SYTL5: variants seen among roughly 807,000 people sequenced by gnomAD.
SYTL5 encodes the protein synaptotagmin like 5.
In SYTL5, 34 loss-of-function variants were observed where a neutral mutation model predicts 55.9. That is an observed-to-expected ratio of 0.61 (90% CI 0.46 to 0.81). The LOEUF is 0.81. Among genes scored for constraint, SYTL5 ranks in the 30% least tolerant of loss-of-function variants. The pLI is 0.00. For missense variants in SYTL5, 637 were observed against 546.7 expected, an observed-to-expected ratio of 1.17 and a Z score of -1.65; for synonymous variants, 221 against 188.7, an observed-to-expected ratio of 1.17 and a Z score of -1.40.
In SYTL5 at chrX:38,125,341, C is replaced by T; in HGVS notation, c.1885C>T (p.Leu629=). ...TAGCAAAGCCACCAAGCACAAAACT[C>T]TGGTAATAAAAAAGAGTGTTAACCC... ...DDSKATKHKT[L]VIKKSVNPQW... The change falls in exon 16 of 17, where the codon CTG becomes TTG. Residue 629 remains leucine, a synonymous_variant. Coordinates refer to ENST00000297875, the MANE Select transcript of SYTL5 (RefSeq NM_138780.3). 8.3e-7 allele frequency: 1 copy of T among 1,211,735 alleles called. No homozygotes were observed. Among genetic ancestry groups the T allele is most frequent in the Non-Finnish European group, 1.1e-6 (1 of 895,424 alleles).
intron 6 of SYTL5, 66 bp downstream of exon 6, chrX:38,076,767 G>A: frequency 9.2e-7 from 1 of 1,090,772 alleles, no homozygotes; most frequent in Middle Eastern, 2.5e-4. Context: ...CCCATTCATA[G>A]GGGGATTTTA....
chrX:37,995,786 T>G, the SYTL5 span, among the ~76,000 whole-genome samples: 1 of 112,345 alleles, frequency 8.9e-6, no homozygotes, highest in Non-Finnish European at 1.9e-5. Flanking sequence ...GATCTTGACA[T>G]GTTGATTAAA....
intron 6 of SYTL5, among the ~76,000 whole-genome samples, chrX:38,080,645 G>A (rs1320331198): frequency 9.0e-6 from 1 of 111,719 alleles, no homozygotes; most frequent in Non-Finnish European, 1.9e-5. Context: ...CTCTGTCCAG[G>A]AAATATGGCA....
At chrX:37,986,287 G>A in the SYTL5 span, among the ~76,000 whole-genome samples, 1 of 110,187 alleles carries the variant, frequency 9.1e-6, no homozygotes, top group Non-Finnish European at 1.9e-5. Context: ...TGAGCTCCCC[G>A]AGTGAGAAAT....
the SYTL5 span, among the ~76,000 whole-genome samples, chrX:37,915,164 G>C: frequency 1.9e-4 from 21 of 111,526 alleles, 1 homozygote; most frequent in South Asian, 7.9e-3. Flanking sequence ...GTGTGCGCGC[G>C]CATGCACGTG....
rs1368337122 is a variant in SYTL5 at position 38,096,223 on chromosome X, G to A, written c.1051G>A (p.Ala351Thr). 1.7e-6 allele frequency: 2 copies of A among 1,154,262 alleles called. No homozygotes were observed. The highest frequency in any genetic ancestry group is 2.4e-6 in the Non-Finnish European group (2 of 847,650). ...CATAAGAAGCAAGTCTGTCCCTGGG[G>A]CTTTAGACAAGGTAAGTTGGATGTG... ...VSIRSKSVPGALDKDSLEETE... is the reference protein window; with the variant it reads ...VSIRSKSVPGTLDKDSLEETE... The change falls in exon 9 of 17, where the codon GCT (alanine) becomes ACT (threonine). Residue 351 changes from alanine to threonine, a missense_variant. Transcript: ENST00000297875.
the SYTL5 span, among the ~76,000 whole-genome samples, chrX:37,959,434 G>T: frequency 9.0e-6 from 1 of 111,637 alleles, no homozygotes; most frequent in East Asian, 2.8e-4. Flanking sequence ...TAATTAACAT[G>T]GTTAAGAGAG....
At chrX:37,943,369 C>G in the SYTL5 span, among the ~76,000 whole-genome samples, 8 of 111,490 alleles carry the variant, frequency 7.2e-5, no homozygotes, top group African/African-American at 2.3e-4. Context: ...GGTAGAGGAA[C>G]CACTGCAATG....
At chrX:37,975,383 C>T in the SYTL5 span, among the ~76,000 whole-genome samples, 1 of 111,890 alleles carries the variant, frequency 8.9e-6, no homozygotes, top group Non-Finnish European at 1.9e-5. Flanking sequence ...TGTACTGGAG[C>T]AGCAGGGACT....
chrX:37,940,545 T>C, the SYTL5 span, among the ~76,000 whole-genome samples: 4 of 106,398 alleles, frequency 3.8e-5, no homozygotes, highest in South Asian at 1.3e-3. Context: ...CTCTCTCTTT[T>C]ACTAGGTATA....
chrX:37,961,530 T>C, the SYTL5 span, among the ~76,000 whole-genome samples: 1 of 111,901 alleles, frequency 8.9e-6, no homozygotes, highest in East Asian at 2.8e-4. Context: ...ATTTAGCGTA[T>C]AGCAAACATG....
chrX:38,126,685 G>A lies in SYTL5; in HGVS notation c.2148G>A (p.Glu716=), dbSNP rs1602423803. ...KMANNPGTPF[E]GVLMLRSSMG... is the part of the protein sequence containing the mutation. ...CCAACAACCCTGGAACTCCCTTTGA[G>A]GGTGTACTCATGCTTCGTTCCAGCA... Residue 716 remains glutamate (E), a synonymous_variant, in exon 17 of 17, where the codon GAG becomes GAA. Transcript: ENST00000297875. The A allele has an allele frequency of 8.3e-7, 1 of 1,210,435 alleles. No individual in the cohort carries two copies. Among genetic ancestry groups the A allele is most frequent in the Non-Finnish European group, 1.1e-6 (1 of 894,893 alleles).
the SYTL5 span, among the ~76,000 whole-genome samples, chrX:37,911,224 G>A: frequency 6.3e-5 from 7 of 110,353 alleles, no homozygotes; most frequent in Non-Finnish European, 1.1e-4. Flanking sequence ...TGCCTGCCTC[G>A]GCCTCCCAAA....
chrX:37,920,002 A>G, the SYTL5 span, among the ~76,000 whole-genome samples: 1 of 111,630 alleles, frequency 9.0e-6, no homozygotes, highest in South Asian at 3.8e-4. Context: ...TGGAATATAT[A>G]TATGCTTCTG....
chrX:38,120,472 G>A lies in SYTL5; in HGVS notation c.1705+6G>A. On this transcript the variant is annotated splice_donor_region_variant and intron_variant, in intron 14 of 16. Coordinates refer to ENST00000297875, the MANE Select transcript of SYTL5 (RefSeq NM_138780.3). ...TCCACCAGAACAACTCCAAGGTAGA[G>A]TAAAAATCAATGACTTTGATCAATG... 8.6e-7 allele frequency: 1 copy of A among 1,163,212 alleles called. No homozygotes were observed. Among genetic ancestry groups the A allele is most frequent in the East Asian group, 3.0e-5 (1 of 33,643 alleles).
the SYTL5 span, among the ~76,000 whole-genome samples, chrX:37,943,969 G>A: frequency 9.0e-6 from 1 of 110,701 alleles, no homozygotes; most frequent in African/African-American, 3.3e-5. Context: ...GCAGAGTTCT[G>A]AACACACTAA....
upstream of SYTL5, among the ~76,000 whole-genome samples, chrX:38,006,421 A>G (rs1933989485): frequency 8.9e-6 from 1 of 111,857 alleles, no homozygotes; most frequent in Non-Finnish European, 1.9e-5. Flanking sequence ...ATCAACAGAG[A>G]CATTCCTTTT....
At chrX:38,101,985 A>G (rs1312619173) in intron 9 of SYTL5, among the ~76,000 whole-genome samples, 4 of 109,768 alleles carry the variant, frequency 3.6e-5, no homozygotes, top group African/African-American at 1.3e-4. Context: ...GTGTGTTTGC[A>G]CACACACACA....
intron 4 of SYTL5, among the ~76,000 whole-genome samples, chrX:38,072,862 C>T (rs1303957417): frequency 8.9e-6 from 1 of 112,167 alleles, no homozygotes; most frequent in Non-Finnish European, 1.9e-5. Flanking sequence ...GCATGTTTCT[C>T]GTATATGGTG....
Sources: gnomAD v4.1 joint callset for allele counts (sites outside exome capture counted in the v4.1 genomes callset) on GRCh38, gnomAD v4.1.1 for gene constraint, MANE v1.5 for transcripts, NCBI Gene and HGNC (gene_info 2026-07-23, HGNC 2026-07-21) for gene names.